RPH3A: variants seen among roughly 807,000 people sequenced by gnomAD.
The protein encoded by RPH3A is rabphilin-3A.
In RPH3A, 48 loss-of-function variants were observed where a neutral mutation model predicts 102.2. The observed-to-expected ratio is 0.47, with a 90% confidence interval of 0.37 to 0.60. The LOEUF (loss-of-function observed/expected upper bound fraction) is 0.60. Ranked by LOEUF, RPH3A falls within the 20% of genes least tolerant of loss-of-function variation. The probability of loss-of-function intolerance (pLI) is 0.00; values close to 1 mark genes in which losing one functional copy is unlikely to be tolerated. For synonymous variants in RPH3A, 310 were observed against 324.3 expected (o/e 0.96, Z 0.47); for missense variants, 781 against 910.1 (o/e 0.86, Z 1.83).
intron 1 of RPH3A, among the ~76,000 whole-genome samples, chr12:112,640,196 G>A (rs959330971): frequency 6.0e-5 from 9 of 151,012 alleles, no homozygotes; most frequent in African/African-American, 1.2e-4. Flanking sequence ...GTGGTGGCAC[G>A]TGCCTGTAAT....
At chr12:112,691,939 T>G (rs577132810) in intron 1 of RPH3A, among the ~76,000 whole-genome samples, 2 of 152,270 alleles carry the variant, frequency 1.3e-5, no homozygotes, top group East Asian at 3.9e-4. Flanking sequence ...ATGTGACAGA[T>G]GATTGGATTT....
At chr12:112,662,076 A>G (rs1022922791) in intron 1 of RPH3A, among the ~76,000 whole-genome samples, 5 of 152,328 alleles carry the variant, frequency 3.3e-5, no homozygotes, top group African/African-American at 1.2e-4. Flanking sequence ...GCTGAAAGTC[A>G]TTCTGTACCT....
chr12:112,666,897 G>C (rs2040086697), intron 1 of RPH3A, among the ~76,000 whole-genome samples: 1 of 152,148 alleles, frequency 6.6e-6, no homozygotes, highest in South Asian at 2.1e-4. Context: ...AGTCAGCAAG[G>C]ACTTAGCTTT....
chr12:112,579,889 C>T (rs1428295098), intron 1 of RPH3A, among the ~76,000 whole-genome samples: 1 of 152,194 alleles, frequency 6.6e-6, no homozygotes, highest in Non-Finnish European at 1.5e-5. Context: ...ACCACCATAG[C>T]TGGCCAAGTT....
At chr12:112,792,411 G>C (rs2041139126) in intron 2 of RPH3A, 148 bp downstream of exon 2, 1 of 152,266 alleles carries the variant, frequency 6.6e-6, no homozygotes, top group African/African-American at 2.4e-5. Context: ...ACATCCTGCA[G>C]TGTTTTATCA....
chr12:112,714,305 A>G (rs893600236), intron 1 of RPH3A, among the ~76,000 whole-genome samples: 1 of 152,052 alleles, frequency 6.6e-6, no homozygotes, highest in Non-Finnish European at 1.5e-5. Context: ...ATGGTTTAGG[A>G]TGTGATTCAT....
intron 1 of RPH3A, among the ~76,000 whole-genome samples, chr12:112,771,943 A>T (rs1015583096): frequency 6.6e-6 from 1 of 152,192 alleles, no homozygotes; most frequent in Non-Finnish European, 1.5e-5. Context: ...TCAGTCATAC[A>T]TTTGTTTAAG....
At chr12:112,873,640 G>C (rs1024838907) in intron 10 of RPH3A, among the ~76,000 whole-genome samples, 9 of 152,192 alleles carry the variant, frequency 5.9e-5, no homozygotes, top group African/African-American at 1.9e-4. Flanking sequence ...GATAGATTTG[G>C]ACAGAAGTCC....
intron 1 of RPH3A, among the ~76,000 whole-genome samples, chr12:112,749,062 T>C (rs2040767942): frequency 6.6e-6 from 1 of 152,184 alleles, no homozygotes; most frequent in Admixed American, 6.5e-5. Flanking sequence ...GTTGCCTACC[T>C]GGAAGCTGAA....
chr12:112,801,261 G>A (rs574096001), intron 2 of RPH3A, among the ~76,000 whole-genome samples: 2 of 152,344 alleles, frequency 1.3e-5, no homozygotes, highest in South Asian at 4.1e-4. Context: ...TTGCACCTAA[G>A]GATGAAAGCA....
intron 5 of RPH3A, among the ~76,000 whole-genome samples, chr12:112,859,739 A>G (rs1324076681): frequency 1.3e-5 from 2 of 152,348 alleles, no homozygotes; most frequent in Middle Eastern, 6.8e-3. Flanking sequence ...TCACCAGCAG[A>G]TTCAAACAGG....
At chr12:112,763,275 A>G (rs1459500894) in intron 1 of RPH3A, among the ~76,000 whole-genome samples, 1 of 152,222 alleles carries the variant, frequency 6.6e-6, no homozygotes, top group Non-Finnish European at 1.5e-5. Context: ...CAAGAGTCAA[A>G]CTCTGTAAAA....
At chr12:112,599,624 G>A (rs529578173) in intron 1 of RPH3A, among the ~76,000 whole-genome samples, 1 of 152,222 alleles carries the variant, frequency 6.6e-6, no homozygotes, top group East Asian at 1.9e-4. Context: ...TTTTCAACTT[G>A]CTCACCTGAT....
At chr12:112,718,612 C>G (rs1185867132) in intron 1 of RPH3A, among the ~76,000 whole-genome samples, 1 of 152,200 alleles carries the variant, frequency 6.6e-6, no homozygotes, top group Non-Finnish European at 1.5e-5. Flanking sequence ...ACTATTGCCA[C>G]TGCGCGTTGC....
chr12:112,646,788 A>T (rs2039934676), intron 1 of RPH3A, among the ~76,000 whole-genome samples: 2 of 152,048 alleles, frequency 1.3e-5, no homozygotes, highest in Admixed American at 1.3e-4. Flanking sequence ...GGGGCCTGGG[A>T]CTCAACAGTG....
chr12:112,818,257 C>A (rs925210957), intron 2 of RPH3A, among the ~76,000 whole-genome samples: 2 of 149,830 alleles, frequency 1.3e-5, no homozygotes, highest in Admixed American at 1.3e-4. Context: ...CGAGATCGCG[C>A]CACTGCACTC....
chr12:112,672,752 C>T (rs971664785), intron 1 of RPH3A, among the ~76,000 whole-genome samples: 4 of 152,164 alleles, frequency 2.6e-5, no homozygotes, highest in Non-Finnish European at 4.4e-5. Context: ...ACATCTCGGG[C>T]GACCAGCCCT....
At chr12:112,586,673 A>G (rs1439195307) in intron 1 of RPH3A, among the ~76,000 whole-genome samples, 2 of 152,128 alleles carry the variant, frequency 1.3e-5, no homozygotes, top group Admixed American at 1.3e-4. Context: ...TTTGTATTTC[A>G]TTTTAGGAAT....
chr12:112,797,696 AT>A (rs553608207), intron 2 of RPH3A, among the ~76,000 whole-genome samples: 4,159 of 146,576 alleles, frequency 0.028, 179 homozygotes, highest in African/African-American at 0.096. Context: ...GAAAAAAAAA[AT>A]TTTTTTTTTT....
Sources: gnomAD v4.1 joint callset for allele counts (sites outside exome capture counted in the v4.1 genomes callset) on GRCh38, gnomAD v4.1.1 for gene constraint, MANE v1.5 for transcripts, NCBI Gene and HGNC (gene_info 2026-07-23, HGNC 2026-07-21) for gene names.